Variants in KCNQ5 observed in about 807,000 individuals in gnomAD.
KCNQ5 encodes the protein potassium voltage-gated channel subfamily KQT member 5.
A neutral mutation model predicts 98.2 loss-of-function variants in KCNQ5; 30 were observed. The ratio of observed to expected loss-of-function variants is 0.31; its 90% CI spans 0.23 to 0.41. The LOEUF is 0.41. Ranked by LOEUF, KCNQ5 falls within the 10% of genes least tolerant of loss-of-function variation. KCNQ5 has a pLI of 1.00. For missense variants in KCNQ5, 835 were observed against 1,182.5 expected, an observed-to-expected ratio of 0.71 and a Z score of 4.31; for synonymous variants, 458 against 449.4, an observed-to-expected ratio of 1.02 and a Z score of -0.24.
chr6:73,018,874 C>A (rs1056017956), intron 2 of KCNQ5, among the ~76,000 whole-genome samples: 2 of 152,160 alleles, frequency 1.3e-5, no homozygotes, highest in Admixed American at 6.5e-5. Context: ...ATTGGCCTAT[C>A]TGAATGCACC....
At chr6:72,842,895 T>G (rs377197681) in intron 1 of KCNQ5, among the ~76,000 whole-genome samples, 40 of 152,236 alleles carry the variant, frequency 2.6e-4, no homozygotes, top group African/African-American at 6.5e-4. Context: ...AGCCCTTTGT[T>G]AGATGGATAG....
chr6:73,107,906 C>T (rs1211343835), intron 6 of KCNQ5, among the ~76,000 whole-genome samples: 1 of 152,014 alleles, frequency 6.6e-6, no homozygotes, highest in East Asian at 1.9e-4. Flanking sequence ...ACTGAATGGT[C>T]CATATATACC....
chr6:72,853,919 C>T (rs1363705744), intron 1 of KCNQ5, among the ~76,000 whole-genome samples: 3 of 152,108 alleles, frequency 2.0e-5, no homozygotes, highest in Non-Finnish European at 2.9e-5. Flanking sequence ...TTATTATGCA[C>T]ACTGAAACTT....
At chr6:72,869,990 A>T (rs144798200) in intron 1 of KCNQ5, among the ~76,000 whole-genome samples, 47 of 152,364 alleles carry the variant, frequency 3.1e-4, no homozygotes, top group African/African-American at 1.1e-3. Flanking sequence ...AAATTGCTGC[A>T]TTGAAAAGTC....
chr6:72,980,668 T>C lies in KCNQ5; in HGVS notation c.399-23240T>C, dbSNP rs922253730. ...TTCCTAATTGAATACCTTTTATTGC[T>C]TTCTCTTGCCTGATTGCCCTGGCCA... On this transcript the variant is annotated intron_variant, in intron 1 of 13. Coordinates refer to ENST00000370398, the MANE Select transcript of KCNQ5 (RefSeq NM_019842.4). Among the ~76,000 whole-genome samples the C allele has an allele frequency of 5.6e-4, 85 of 152,284 alleles. 1 individual carries two copies. The highest frequency in any genetic ancestry group is 1.9e-4 in the East Asian group (1 of 5,182).
chr6:72,736,221 C>T (rs1272891088), intron 1 of KCNQ5, among the ~76,000 whole-genome samples: 1 of 151,824 alleles, frequency 6.6e-6, no homozygotes, highest in Non-Finnish European at 1.5e-5. Context: ...AATTCTATTC[C>T]CAGGAGTATA....
chr6:73,087,031 G>T (rs1476336558), intron 5 of KCNQ5, among the ~76,000 whole-genome samples: 1 of 152,216 alleles, frequency 6.6e-6, no homozygotes, highest in Non-Finnish European at 1.5e-5. Context: ...ATGATCTTAG[G>T]TAGGTGGAGA....
chr6:72,658,559 GATAT>G (rs1189137122), intron 1 of KCNQ5, among the ~76,000 whole-genome samples: 17 of 88,430 alleles, frequency 1.9e-4, no homozygotes, highest in Middle Eastern at 6.8e-3. Flanking sequence ...GGGATTAAAG[GATAT>G]ATATATATAT....
chr6:72,739,922 C>T (rs191642166), intron 1 of KCNQ5, among the ~76,000 whole-genome samples: 2 of 152,292 alleles, frequency 1.3e-5, no homozygotes, highest in African/African-American at 2.4e-5. Context: ...TAACAAGATA[C>T]CATAAACTTG....
At chr6:73,169,710 T>C (rs1359737224) in intron 10 of KCNQ5, 36 bp from the exon 11 acceptor site, 2 of 1,402,814 alleles carry the variant, frequency 1.4e-6, no homozygotes, top group African/African-American at 1.4e-5. Context: ...AAATTGCGGA[T>C]GGTGGTGTTA....
intron 1 of KCNQ5, among the ~76,000 whole-genome samples, chr6:72,754,637 G>A (rs778366397): frequency 5.3e-5 from 8 of 151,882 alleles, no homozygotes; most frequent in Non-Finnish European, 8.8e-5. Flanking sequence ...CCCCAATGTT[G>A]ATAGTGCAAG....
intron 12 of KCNQ5, among the ~76,000 whole-genome samples, chr6:73,191,530 T>C (rs906407871): frequency 1.8e-4 from 27 of 152,198 alleles, no homozygotes; most frequent in African/African-American, 6.3e-4. Flanking sequence ...TACCAGCATT[T>C]GTGATTGTAT....
At chr6:73,109,481 A>G (rs1467814004) in intron 6 of KCNQ5, among the ~76,000 whole-genome samples, 2 of 152,238 alleles carry the variant, frequency 1.3e-5, no homozygotes, top group African/African-American at 4.8e-5. Flanking sequence ...TTGGTATTTC[A>G]TATTCTCTTA....
At chr6:73,081,920 G>T (rs749684926) in intron 5 of KCNQ5, among the ~76,000 whole-genome samples, 6 of 151,994 alleles carry the variant, frequency 3.9e-5, no homozygotes, top group Non-Finnish European at 7.4e-5. Context: ...CTAAACACAC[G>T]AAGGTGCCCC....
chr6:72,630,051 A>G (rs2098919964), intron 1 of KCNQ5, among the ~76,000 whole-genome samples: 2 of 152,322 alleles, frequency 1.3e-5, no homozygotes, highest in South Asian at 4.1e-4. Context: ...TATATATTTC[A>G]TACTCATACA....
rs1261840466 is a variant in KCNQ5 at position 73,061,527 on chromosome 6, C to CA, written c.617-15794dup. On this transcript the variant is annotated intron_variant, in intron 3 of 13. Transcript: ENST00000370398. ...AGTTGTTCCGAATCTACTCACACTC[C>CA]AGGCACTTTTGTCATTGCAAAGAGG... 3.9e-5 allele frequency among the ~76,000 whole-genome samples: 6 copies of CA among 152,080 alleles called. No homozygotes were observed. In the East Asian group the frequency reaches 1.2e-3, roughly 29 times the overall value.
intron 1 of KCNQ5, among the ~76,000 whole-genome samples, chr6:72,932,626 T>G (rs1765737001): frequency 6.6e-6 from 1 of 152,196 alleles, no homozygotes. Flanking sequence ...TTCCCATACT[T>G]GTTATTTTAT....
At chr6:72,768,770 C>T (rs111540033) in intron 1 of KCNQ5, among the ~76,000 whole-genome samples, 15 of 149,336 alleles carry the variant, frequency 1.0e-4, no homozygotes, top group Admixed American at 2.0e-4. Flanking sequence ...TGTGTGTGTG[C>T]GTGTGCATTA....
intron 8 of KCNQ5, among the ~76,000 whole-genome samples, chr6:73,123,238 A>G (rs779192532): frequency 1.1e-4 from 16 of 152,166 alleles, no homozygotes; most frequent in African/African-American, 1.9e-4. Context: ...ATTAAGTGCT[A>G]AGGAGAAAAG....
Sources: allele counts gnomAD v4.1 joint callset (sites outside exome capture counted in the v4.1 genomes callset), GRCh38; gene constraint gnomAD v4.1.1; transcripts MANE v1.5; gene names NCBI Gene and HGNC (gene_info 2026-07-23, HGNC 2026-07-21).